Variants in RGPD8 observed in about 807,000 individuals in gnomAD.
RGPD8 encodes the protein RANBP2 like and GRIP domain containing 8, also known as RANBP2-like and GRIP domain-containing protein 8.
A neutral mutation model predicts 89.1 loss-of-function variants in RGPD8; 15 were observed. That is an observed-to-expected ratio of 0.17 (90% CI 0.11 to 0.26). The LOEUF (loss-of-function observed/expected upper bound fraction) is 0.26. Among genes scored for constraint, RGPD8 ranks in the 10% least tolerant of loss-of-function variants. The pLI, the probability that RGPD8 is intolerant of heterozygous loss-of-function variation, is 1.00. For missense variants in RGPD8, 178 were observed against 1,179.6 expected, an observed-to-expected ratio of 0.15 and a Z score of 12.44; for synonymous variants, 62 against 420.9, an observed-to-expected ratio of 0.15 and a Z score of 10.44.
intron 1 of RGPD8, among the ~76,000 whole-genome samples, chr2:112,429,415 C>CAAAAAAAAAAAAAAA (rs71412832): frequency 1.3e-4 from 6 of 45,710 alleles, no homozygotes; most frequent in East Asian, 5.8e-4. Context: ...GACTCCGTCT[C>CAAAAAAAAAAAAAAA]AAAAAAAAAA....
chr2:112,429,430 A>AG (rs1209650695), intron 1 of RGPD8, among the ~76,000 whole-genome samples: 7 of 150,200 alleles, frequency 4.7e-5, no homozygotes, highest in African/African-American at 7.3e-5. Context: ...AAAAAAAAAA[A>AG]AAAAAAAGAA....
At chr2:112,411,481 A>T (rs1446831709) in intron 7 of RGPD8, among the ~76,000 whole-genome samples, 1 of 77,958 alleles carries the variant, frequency 1.3e-5, no homozygotes, top group Non-Finnish European at 2.4e-5. Flanking sequence ...TGAGGCAGGA[A>T]AATGGCGTGA....
rs959283224 is a variant in RGPD8, at chr2:112,423,595, T to C, written c.140+645A>G. ...GGTGCGCATCTGTATCCCCAGCTAC[T>C]TGGGGCGCTGAGGTGGGAAGATCGC... On this transcript the variant is annotated intron_variant, in intron 2 of 22. Transcript: ENST00000302558. Among the ~76,000 whole-genome samples, 12 of 137,116 alleles carry C rather than the reference T, an allele frequency of 8.8e-5. 1 individual carries two copies. Among genetic ancestry groups the C allele is most frequent in the African/African-American group, 3.0e-4 (11 of 36,086 alleles). 90.0% of individuals were successfully genotyped at this position (137,116 alleles called of 152,430 possible). A position where few individuals can be genotyped will look rare whatever the true frequency, so the allele number is the denominator to read the frequency against.
chr2:112,377,523 T>C (rs1373559900), intron 22 of RGPD8, among the ~76,000 whole-genome samples: 2 of 93,386 alleles, frequency 2.1e-5, no homozygotes, highest in Admixed American at 2.3e-4. Flanking sequence ...GTGATCCGCC[T>C]GCCTCGGCCT....
At chr2:112,429,748 T>C (rs912444811) in intron 1 of RGPD8, among the ~76,000 whole-genome samples, 22 of 151,882 alleles carry the variant, frequency 1.4e-4, no homozygotes, top group African/African-American at 4.6e-4. Context: ...TGACAGAACA[T>C]AGAAAAACTA....
At chr2:112,411,245 A>T (rs1485846311) in intron 7 of RGPD8, among the ~76,000 whole-genome samples, 7 of 149,796 alleles carry the variant, frequency 4.7e-5, no homozygotes, top group Admixed American at 4.6e-4. Context: ...TTTCCTTTCG[A>T]AAGTTATGCA....
intron 22 of RGPD8, 147 bp from the exon 23 acceptor site, chr2:112,370,359 G>GGGGTTGTTT (rs1249646916): frequency 9.9e-6 from 1 of 100,760 alleles, no homozygotes; most frequent in Non-Finnish European, 1.7e-5. Context: ...GGGGGGGGGG[G>GGGGTTGTTT]TTCTTTTTTT....
chr2:112,390,860 A>G lies in RGPD8; in HGVS notation c.2697+115T>C, dbSNP rs1678673564. 8.4e-6 allele frequency: 7 copies of G among 837,398 alleles called. 1 individual carries two copies. Among genetic ancestry groups the G allele is most frequent in the Non-Finnish European group, 1.2e-5 (7 of 575,674 alleles). 51.9% of individuals were successfully genotyped at this position (837,398 alleles called of 1,614,324 possible). A position where few individuals can be genotyped will look rare whatever the true frequency, so the allele number is the denominator to read the frequency against. On this transcript the variant is annotated intron_variant, in intron 19 of 22. Coordinates refer to ENST00000302558, the MANE Select transcript of RGPD8 (RefSeq NM_001164463.1). The stretch of plus-strand genomic sequence containing the variant: ...TTGGAGATAAATTTAAAATATCTAC[A>G]TTTTAAGGGACATAAAAGTTTTAAT...
At chr2:112,379,662 G>A (rs1428328362) in intron 21 of RGPD8, among the ~76,000 whole-genome samples, 1 of 128,968 alleles carries the variant, frequency 7.8e-6, no homozygotes, top group African/African-American at 2.7e-5. Context: ...TTAGTGATTT[G>A]TTAGCTATGA....
chr2:112,376,803 TCAAA>T (rs1343125114), intron 22 of RGPD8, among the ~76,000 whole-genome samples: 31 of 144,248 alleles, frequency 2.1e-4, no homozygotes, highest in African/African-American at 7.8e-4. Context: ...ACACTACGTC[TCAAA>T]CAAACAAAAA....
Position 112,424,208 on chromosome 2 carries a change from A to G in RGPD8, c.140+32T>C, listed in dbSNP as rs560452371. ...AAATGAGAAAAGGCATTGATTTTAA[A>G]AAAAAGAATACATGTTACGGTTTGT... is the stretch of plus-strand genomic sequence containing the variant. On this transcript the variant is annotated intron_variant, in intron 2 of 22. Transcript: ENST00000302558. 8.9e-5 allele frequency: 140 copies of G among 1,577,740 alleles called. No homozygotes were observed. The East Asian group carries it at 3.1e-3, about 35-fold the overall frequency.
intron 1 of RGPD8, among the ~76,000 whole-genome samples, chr2:112,429,692 G>A (rs1679941009): frequency 1.3e-5 from 2 of 152,150 alleles, no homozygotes; most frequent in African/African-American, 4.8e-5. Context: ...GAGCTGTCAA[G>A]TAGACTTTGA....
intron 20 of RGPD8, among the ~76,000 whole-genome samples, chr2:112,381,252 T>A (rs1208923140): frequency 5.1e-5 from 2 of 39,552 alleles, no homozygotes; most frequent in African/African-American, 8.1e-5. Context: ...ATTACACATC[T>A]TCTTCCCATC....
chr2:112,430,485 TC>T, intron 1 of RGPD8, among the ~76,000 whole-genome samples: 1 of 152,212 alleles, frequency 6.6e-6, no homozygotes, highest in Admixed American at 6.5e-5. Flanking sequence ...AGAGAGGTGG[TC>T]ATAATAACCA....
intron 1 of RGPD8, among the ~76,000 whole-genome samples, chr2:112,426,277 C>T (rs537516475): frequency 2.6e-5 from 4 of 152,282 alleles, no homozygotes; most frequent in African/African-American, 7.2e-5. Flanking sequence ...ACTCCAACAA[C>T]TGATCTGATA....
intron 1 of RGPD8, among the ~76,000 whole-genome samples, chr2:112,432,791 C>A (rs1308293254): frequency 1.3e-5 from 2 of 152,166 alleles, no homozygotes; most frequent in Non-Finnish European, 2.9e-5. Context: ...AGAGGAAGAG[C>A]CGGCGCCAAA....
chr2:112,430,892 C>T (rs1406963282), intron 1 of RGPD8, among the ~76,000 whole-genome samples: 9 of 152,180 alleles, frequency 5.9e-5, no homozygotes, highest in South Asian at 2.1e-4. Flanking sequence ...AGGACGTCAA[C>T]GCTGCAGTGA....
intron 1 of RGPD8, among the ~76,000 whole-genome samples, chr2:112,431,300 AG>A (rs1680022097): frequency 6.6e-6 from 1 of 152,188 alleles, no homozygotes; most frequent in South Asian, 2.1e-4. Flanking sequence ...TAATTTCAGG[AG>A]TTACAGGAAC....
At chr2:112,433,333 C>A in intron 1 of RGPD8, 49 bp downstream of exon 1, 3 of 1,386,904 alleles carry the variant, frequency 2.2e-6, no homozygotes, top group Non-Finnish European at 2.9e-6. Context: ...GTCGAGGCCG[C>A]CGCCGCCCGG....
Sources: gnomAD v4.1 joint callset for allele counts (sites outside exome capture counted in the v4.1 genomes callset) on GRCh38, gnomAD v4.1.1 for gene constraint, MANE v1.5 for transcripts, NCBI Gene and HGNC (gene_info 2026-07-23, HGNC 2026-07-21) for gene names.